Variants in PMPCB observed in about 807,000 individuals in gnomAD.
The protein encoded by PMPCB is peptidase, mitochondrial processing subunit beta.
Under a neutral mutation model 61.5 loss-of-function variants are expected in PMPCB, and 46 were observed. The ratio of observed to expected loss-of-function variants is 0.75; its 90% CI spans 0.59 to 0.96. The LOEUF (loss-of-function observed/expected upper bound fraction) is 0.96. Among genes scored for constraint, PMPCB ranks in the 40% least tolerant of loss-of-function variants. PMPCB has a pLI of 0.00. For missense variants in PMPCB, 590 were observed against 602.4 expected, an observed-to-expected ratio of 0.98 and a Z score of 0.22; for synonymous variants, 191 against 201.6, an observed-to-expected ratio of 0.95 and a Z score of 0.44.
the PMPCB span, among the ~76,000 whole-genome samples, chr7:103,340,951 A>G: frequency 2.6e-5 from 4 of 152,164 alleles, no homozygotes; most frequent in African/African-American, 9.7e-5. Flanking sequence ...TCCTCATCCC[A>G]GCATTGGTTA....
In PMPCB at chr7:103,299,433, T is replaced by C; in HGVS notation, c.241-10T>C. 1.3e-6 allele frequency: 2 copies of C among 1,516,274 alleles called. No individual in the cohort carries two copies. Among genetic ancestry groups the C allele is most frequent in the Non-Finnish European group, 1.8e-6 (2 of 1,100,672 alleles). 93.9% of individuals were successfully genotyped at this position (1,516,274 alleles called of 1,614,324 possible). On this transcript the variant is annotated splice_polypyrimidine_tract_variant and intron_variant, in intron 2 of 12. Transcript: ENST00000249269. ...ATGAATTTATTTAATTGTTCTTTGA[T>C]TGCATTAAGGTTGGACTCTGGATTG...
At chr7:103,320,157 C>T (rs777463275) in intron 12 of PMPCB, among the ~76,000 whole-genome samples, 3 of 152,228 alleles carry the variant, frequency 2.0e-5, no homozygotes, top group East Asian at 1.9e-4. Context: ...GGCACGAAAT[C>T]GGCTCACTGC....
chr7:103,325,025 G>A (rs1254029437), intron 12 of PMPCB, among the ~76,000 whole-genome samples: 3 of 152,136 alleles, frequency 2.0e-5, no homozygotes, highest in Non-Finnish European at 4.4e-5. Context: ...CAGATTTCTC[G>A]GCTCAGCACT....
At chr7:103,338,562 G>GC in the PMPCB span, among the ~76,000 whole-genome samples, 1 of 151,706 alleles carries the variant, frequency 6.6e-6, no homozygotes, top group Non-Finnish European at 1.5e-5. Flanking sequence ...CTCCCAAAGG[G>GC]CCAAGGGATT....
Position 103,304,507 on chromosome 7 carries a change from T to C in PMPCB, c.736+17T>C. On this transcript the variant is annotated intron_variant, in intron 6 of 12. Transcript: ENST00000249269. ...CTGCTGGAGGTTAGTCAATTTAAAT[T>C]TCTACAAATGTTTTAAACACAGTTG... The C allele has an allele frequency of 1.3e-6, 2 of 1,535,176 alleles. No homozygotes were observed. The highest frequency in any genetic ancestry group is 1.8e-6 in the Non-Finnish European group (2 of 1,108,014).
chr7:103,327,094 T>A (rs1415758865), intron 12 of PMPCB, among the ~76,000 whole-genome samples: 1 of 152,174 alleles, frequency 6.6e-6, no homozygotes, highest in African/African-American at 2.4e-5. Context: ...AAAATTAGCA[T>A]CAAAGTGTAA....
rs373825197 is a variant in PMPCB at position 103,301,925 on chromosome 7, A to G, written c.457+1618A>G. ...CGTTAACTCGTCATTTACATTAGGT[A>G]TATCTCCTAACGCTATCCCTCCCTG... On this transcript the variant is annotated intron_variant, in intron 4 of 12. Coordinates refer to ENST00000249269, the MANE Select transcript of PMPCB (RefSeq NM_004279.3). Among the ~76,000 whole-genome samples, 306 of 152,166 alleles carry G rather than the reference A, an allele frequency of 2.0e-3. 1 individual carries two copies. The highest frequency in any genetic ancestry group is 7.1e-3 in the African/African-American group (294 of 41,494).
chr7:103,320,758 T>TACACATATATATATATATATATATAC lies in PMPCB; in HGVS notation c.*1432-8148_*1432-8147insCACACATATATATATATATATATATA. On this transcript the variant is annotated intron_variant and NMD_transcript_variant, in intron 12 of 12. Transcript: ENST00000444457. ...GACTCTGTCACAAAATATATATATA[T>TACACATATATATATATATATATATAC]ACACATATATATATATATATATATA... The TACACATATATATATATATATATATAC allele has an allele frequency of 2.1e-5, 2 of 96,986 alleles. 1 individual carries two copies. The highest frequency in any genetic ancestry group is 4.7e-4 in the South Asian group (2 of 4,228). The allele number at this position is 96,986 out of a possible 1,614,324, so 6.0% of individuals were successfully genotyped here.
intron 6 of PMPCB, 74 bp downstream of exon 6, chr7:103,304,564 T>C (rs1240813263): frequency 1.3e-5 from 12 of 951,960 alleles, no homozygotes; most frequent in Non-Finnish European, 2.1e-5. Flanking sequence ...TTTGATCCTG[T>C]TGGGAGATAC....
intron 12 of PMPCB, chr7:103,327,614 C>T: frequency 7.9e-7 from 1 of 1,272,104 alleles, no homozygotes; most frequent in African/African-American, 1.5e-5. Flanking sequence ...TAATAAATAA[C>T]AATTACTATT....
At chr7:103,327,791 T>G (rs184828735) in intron 12 of PMPCB, 20 of 1,416,254 alleles carry the variant, frequency 1.4e-5, no homozygotes, top group Non-Finnish European at 2.0e-5. Flanking sequence ...TTTGTCACTT[T>G]AAGCACCAAA....
In PMPCB at chr7:103,307,816, TA is replaced by T. The variant is rs879300268; in HGVS notation, c.849+109del. 182 of 670,566 alleles carry T rather than the reference TA, an allele frequency of 2.7e-4. 1 individual carries two copies. The highest frequency in any genetic ancestry group is 1.8e-3 in the Middle Eastern group (7 of 3,834). 41.5% of individuals were successfully genotyped at this position (670,566 alleles called of 1,614,324 possible). ...TTCCAGTAGGAAAAGAATGGAATAA[TA>T]GGAAAAGGGAAGAGGATGTACTCAT... On this transcript the variant is annotated intron_variant, in intron 7 of 12. Transcript: ENST00000249269.
the PMPCB span, among the ~76,000 whole-genome samples, chr7:103,343,022 G>A: frequency 2.6e-5 from 4 of 151,326 alleles, no homozygotes; most frequent in Admixed American, 2.0e-4. Context: ...TTTTTGAGAC[G>A]GAGTTTTGCT....
At chr7:103,337,665 T>C in the PMPCB span, 1 of 1,226,570 alleles carries the variant, frequency 8.2e-7, no homozygotes, top group Non-Finnish European at 1.2e-6. Context: ...ATACTGTATA[T>C]CTTTTAAAAA....
chr7:103,310,524 T>A lies in PMPCB; in HGVS notation c.1154+49T>A, dbSNP rs540966284. ...TTTAAATTTTGCCTTTAATTCGTTT[T>A]AAACTAGTTTTTTATTTATACTTTA... is the stretch of plus-strand genomic sequence containing the variant. On this transcript the variant is annotated intron_variant, in intron 9 of 12. Coordinates refer to ENST00000249269, the MANE Select transcript of PMPCB (RefSeq NM_004279.3). 7 of 1,445,012 alleles carry A rather than the reference T, an allele frequency of 4.8e-6. No individual in the cohort carries two copies. In the African/African-American group the frequency reaches 7.1e-5, roughly 15 times the overall value. 89.5% of individuals were successfully genotyped at this position (1,445,012 alleles called of 1,614,324 possible).
At chr7:103,331,211 G>A (rs185421183), downstream of PMPCB, among the ~76,000 whole-genome samples, 597 of 152,288 alleles carry the variant, frequency 3.9e-3, 3 homozygotes, top group Non-Finnish European at 6.8e-3. Flanking sequence ...GCCTGCCTCG[G>A]CCTCCCAAAG....
the PMPCB span, chr7:103,336,569 T>C: frequency 6.6e-6 from 1 of 152,210 alleles, no homozygotes; most frequent in African/African-American, 2.4e-5. Flanking sequence ...TGGTCTCATA[T>C]TCCTCACCTC....
Position 103,309,239 on chromosome 7 carries a change from C to T in PMPCB, c.993+144C>T, listed in dbSNP as rs1223024240. 6.4e-6 allele frequency: 4 copies of T among 625,486 alleles called. No homozygotes were observed. The African/African-American group carries it at 7.6e-5, about 12-fold the overall frequency. 38.7% of individuals were successfully genotyped at this position (625,486 alleles called of 1,614,324 possible). ...TTCTGACTTAAAAATATAAACTGATCCTGGATTGCATGTGGGCCAGAAAAA... is the reference window on the plus strand; with the variant it reads ...TTCTGACTTAAAAATATAAACTGATTCTGGATTGCATGTGGGCCAGAAAAA... On this transcript the variant is annotated intron_variant, in intron 8 of 12. Coordinates refer to ENST00000249269, the MANE Select transcript of PMPCB (RefSeq NM_004279.3).
downstream of PMPCB, among the ~76,000 whole-genome samples, chr7:103,333,504 G>A (rs191155813): frequency 5.9e-5 from 9 of 152,242 alleles, no homozygotes; most frequent in South Asian, 2.1e-4. Context: ...CTGATTCAGC[G>A]GAGATAAAAC....
Sources: allele counts gnomAD v4.1 joint callset (sites outside exome capture counted in the v4.1 genomes callset), GRCh38; gene constraint gnomAD v4.1.1; transcripts MANE v1.5; gene names NCBI Gene and HGNC (gene_info 2026-07-23, HGNC 2026-07-21).